FAF1: variants seen among roughly 807,000 people sequenced by gnomAD.
The protein encoded by FAF1 is Fas associated factor 1.
In FAF1, 25 loss-of-function variants were observed where a neutral mutation model predicts 92.5. The ratio of observed to expected loss-of-function variants is 0.27; its 90% CI spans 0.20 to 0.38. The LOEUF (loss-of-function observed/expected upper bound fraction) is 0.38. Among genes scored for constraint, FAF1 ranks in the 10% least tolerant of loss-of-function variants. FAF1 has a pLI of 1.00. For synonymous variants in FAF1, 234 were observed against 273.2 expected, an observed-to-expected ratio of 0.86 and a Z score of 1.42; for missense variants, 636 against 793.3, an observed-to-expected ratio of 0.80 and a Z score of 2.38.
chr1:50,822,503 C>T (rs1644052050), intron 2 of FAF1, among the ~76,000 whole-genome samples: 1 of 152,124 alleles, frequency 6.6e-6, no homozygotes, highest in Admixed American at 6.6e-5. Flanking sequence ...TGACAGTCAC[C>T]TACTTCTCCT....
chr1:50,446,777 TG>T (rs1166165760), intron 18 of FAF1, among the ~76,000 whole-genome samples: 1 of 152,136 alleles, frequency 6.6e-6, no homozygotes, highest in Non-Finnish European at 1.5e-5. Context: ...TTAGAAAAAA[TG>T]CTAGGTTGGA....
intron 15 of FAF1, among the ~76,000 whole-genome samples, chr1:50,500,046 A>C (rs1331987761): frequency 1.3e-5 from 2 of 152,198 alleles, no homozygotes; most frequent in African/African-American, 2.4e-5. Context: ...TAAATAAGTC[A>C]TTCTTGTGGA....
intron 1 of FAF1, among the ~76,000 whole-genome samples, chr1:50,866,440 A>G (rs1644482446): frequency 1.3e-5 from 2 of 152,072 alleles, no homozygotes; most frequent in Admixed American, 1.3e-4. Flanking sequence ...CCTAGGAAAC[A>G]CTAAAGACTC....
At chr1:50,764,552 T>C (rs1660490392) in intron 4 of FAF1, among the ~76,000 whole-genome samples, 1 of 152,130 alleles carries the variant, frequency 6.6e-6, no homozygotes, top group Non-Finnish European at 1.5e-5. Context: ...TCATGGACTG[T>C]TGTATAGAAA....
chr1:50,890,723 A>C (rs910993224), intron 1 of FAF1, among the ~76,000 whole-genome samples: 8 of 152,160 alleles, frequency 5.3e-5, no homozygotes, highest in Admixed American at 5.2e-4. Flanking sequence ...GTTTCTGTCG[A>C]GAGATCCCCT....
At chr1:50,724,306 C>CAT (rs1553132428) in intron 6 of FAF1, among the ~76,000 whole-genome samples, 9,516 of 145,210 alleles carry the variant, frequency 0.066, 366 homozygotes, top group Non-Finnish European at 0.089. Flanking sequence ...TACACACACA[C>CAT]ACACACACAC....
At chr1:50,576,778 G>A (rs1326254757) in intron 12 of FAF1, among the ~76,000 whole-genome samples, 1 of 151,826 alleles carries the variant, frequency 6.6e-6, no homozygotes, top group Non-Finnish European at 1.5e-5. Flanking sequence ...GAGTAACTGG[G>A]ACCATAAGCA....
intron 4 of FAF1, among the ~76,000 whole-genome samples, chr1:50,779,938 GA>G (rs998404308): frequency 2.8e-5 from 4 of 144,988 alleles, no homozygotes; most frequent in African/African-American, 5.1e-5. Context: ...AAAAGAAAAA[GA>G]AAAAAAAGGA....
chr1:50,452,047 C>A, intron 18 of FAF1: 1 of 1,316,348 alleles, frequency 7.6e-7, no homozygotes, highest in Non-Finnish European at 9.9e-7. Flanking sequence ...AGAGGGGATT[C>A]TATTAAGAAT....
intron 8 of FAF1, among the ~76,000 whole-genome samples, chr1:50,598,616 G>C (rs1651944131): frequency 6.6e-6 from 1 of 152,086 alleles, no homozygotes; most frequent in Admixed American, 6.5e-5. Context: ...AAGTCCATTT[G>C]AAGTTTTTTC....
intron 8 of FAF1, among the ~76,000 whole-genome samples, chr1:50,614,263 C>T (rs1014811416): frequency 6.6e-6 from 1 of 152,130 alleles, no homozygotes; most frequent in Non-Finnish European, 1.5e-5. Flanking sequence ...CACTTATTTA[C>T]GTCAATGCCA....
chr1:50,630,970 T>G (rs1653756217), intron 8 of FAF1, among the ~76,000 whole-genome samples: 1 of 151,584 alleles, frequency 6.6e-6, no homozygotes, highest in African/African-American at 2.4e-5. Context: ...GCCCGGCTAA[T>G]TTTTGTATTT....
chr1:50,694,085 T>A (rs898751276), intron 7 of FAF1, among the ~76,000 whole-genome samples: 2 of 149,322 alleles, frequency 1.3e-5, no homozygotes, highest in South Asian at 2.1e-4. Flanking sequence ...GACATATATA[T>A]AAAAAAAACT....
chr1:50,720,538 AC>A (rs1658366291), intron 6 of FAF1, among the ~76,000 whole-genome samples: 1 of 152,166 alleles, frequency 6.6e-6, no homozygotes, highest in Admixed American at 6.5e-5. Flanking sequence ...GGAAATGCCA[AC>A]CCCACAATAT....
At position 50,623,134 on chromosome 1, in the gene FAF1, T is replaced by G. The variant is rs200588965; in HGVS notation, c.745-26918A>C. On this transcript the variant is annotated intron_variant, in intron 8 of 18. Coordinates refer to ENST00000396153, the MANE Select transcript of FAF1 (RefSeq NM_007051.3). ...GATCCTCAAGTATCAATAAGCTCAA[T>G]AAGTGCATCGAGTTCAAATCAGCCC... 8.5e-5 allele frequency among the ~76,000 whole-genome samples: 13 copies of G among 152,294 alleles called. 1 individual carries two copies. In the East Asian group the frequency reaches 2.5e-3, roughly 29 times the overall value.
intron 1 of FAF1, among the ~76,000 whole-genome samples, chr1:50,870,920 C>T (rs1644522341): frequency 6.6e-6 from 1 of 152,130 alleles, no homozygotes; most frequent in African/African-American, 2.4e-5. Context: ...TTGAGATAAG[C>T]TTAAAGCAAG....
At chr1:50,805,069 A>G (rs1177160077) in intron 2 of FAF1, among the ~76,000 whole-genome samples, 3 of 152,204 alleles carry the variant, frequency 2.0e-5, no homozygotes, top group Admixed American at 6.5e-5. Flanking sequence ...GGAAGATATT[A>G]TATCTCTCAC....
chr1:50,874,764 T>TC (rs1644556950), intron 1 of FAF1, among the ~76,000 whole-genome samples: 1 of 118,216 alleles, frequency 8.5e-6, no homozygotes, highest in Admixed American at 8.3e-5. Context: ...CTTTCTTTTT[T>TC]TTTTTTTTTT....
intron 7 of FAF1, among the ~76,000 whole-genome samples, chr1:50,687,613 G>A (rs960850224): frequency 6.6e-6 from 1 of 152,052 alleles, no homozygotes; most frequent in African/African-American, 2.4e-5. Flanking sequence ...AGCCAGGCAT[G>A]GGGCGCGTGC....
Sources: gnomAD v4.1 joint callset for allele counts (sites outside exome capture counted in the v4.1 genomes callset) on GRCh38, gnomAD v4.1.1 for gene constraint, MANE v1.5 for transcripts, NCBI Gene and HGNC (gene_info 2026-07-23, HGNC 2026-07-21) for gene names.